The following BAP1 variants were observed in gnomAD, a reference collection of about 807,000 sequenced individuals.
BAP1 encodes the protein BRCA1 associated deubiquitinase 1.
A neutral mutation model predicts 77.2 loss-of-function variants in BAP1; 16 were observed. The observed-to-expected ratio is 0.21, with a 90% CI of 0.14 to 0.31. The LOEUF (loss-of-function observed/expected upper bound fraction) is 0.31. Ranked by LOEUF, BAP1 falls within the 10% of genes least tolerant of loss-of-function variation. The pLI is 1.00. For missense variants in BAP1, 699 were observed against 967.3 expected (o/e 0.72, Z 3.68); for synonymous variants, 362 against 385.2 (o/e 0.94, Z 0.71).
chr3:52,409,994 C>T lies in BAP1; in HGVS notation c.-116G>A, dbSNP rs536817902. The T allele has an allele frequency of 3.2e-4, 463 of 1,451,508 alleles. 2 individuals carry two copies. In the South Asian group the frequency reaches 3.4e-3, roughly 11 times the overall value. The allele number at this position is 1,451,508 out of a possible 1,614,324, so 89.9% of individuals were successfully genotyped here. A position where few individuals can be genotyped will look rare whatever the true frequency, so the allele number is the denominator to read the frequency against. On this transcript the variant is annotated 5_prime_UTR_variant, in exon 1 of 17. Coordinates refer to ENST00000460680, the MANE Select transcript of BAP1 (RefSeq NM_004656.4). ...TCAGTCCCACACACAGACAACGGGC[C>T]CAGTCGCGTCACCCGCCCGCGCCGG...
In BAP1 at chr3:52,409,827, C is replaced by T. The variant is rs772162010; in HGVS notation, c.37+15G>A. On this transcript the variant is annotated intron_variant, in intron 1 of 16. Coordinates refer to ENST00000460680, the MANE Select transcript of BAP1 (RefSeq NM_004656.4). ...CGGCCTCCCCAGCCCCTGGCCCTCC[C>T]GGTCCCCTCCTCACCTGGGTCGCTC... 6.2e-6 allele frequency: 10 copies of T among 1,612,612 alleles called. No individual in the cohort carries two copies. The highest frequency in any genetic ancestry group is 8.5e-6 in the Non-Finnish European group (10 of 1,179,922).
At chr3:52,409,439 T>G (rs1705284681) in intron 3 of BAP1, 115 bp downstream of exon 3, 1 of 1,377,468 alleles carries the variant, frequency 7.3e-7, no homozygotes, top group East Asian at 2.3e-5. Flanking sequence ...TGCTGCTTTC[T>G]GTGAGATTTT....
chr3:52,404,427 T>C (rs370408321), intron 12 of BAP1, 26 bp downstream of exon 12: 12 of 1,614,072 alleles, frequency 7.4e-6, no homozygotes, highest in Middle Eastern at 1.6e-4. Flanking sequence ...ACCTAGAACC[T>C]GGTAGCCTTA....
chr3:52,406,962 G>T lies in BAP1; in HGVS notation c.581-55C>A. The T allele has an allele frequency of 6.5e-7, 1 of 1,537,388 alleles. No homozygotes were observed. Among genetic ancestry groups the T allele is most frequent in the Non-Finnish European group, 8.8e-7 (1 of 1,132,636 alleles). On this transcript the variant is annotated intron_variant, in intron 7 of 16. Coordinates refer to ENST00000460680, the MANE Select transcript of BAP1 (RefSeq NM_004656.4). This position sits in a 1 kb window ranked among gnomAD's most constrained non-coding sequence, Gnocchi z 4.6. ...AGAAGGAAACCCTGAGTTTGGGCAG[G>T]CCAGGAGTGGGAAGGAAGACAGAGA...
At chr3:52,409,764 A>G (rs368322638) in intron 1 of BAP1, 21 bp from the exon 2 acceptor site, 75 of 1,613,508 alleles carry the variant, frequency 4.6e-5, no homozygotes, top group Non-Finnish European at 6.0e-5. Context: ...CGACAAGAGG[A>G]GGGGGTGATG....
At position 52,406,258 on chromosome 3, in the gene BAP1, G is replaced by A. The variant is rs864622592; in HGVS notation, c.778C>T (p.Gln260Ter). ...CAGGAAGAAAGGGCACCTACCTGCT[G>A]CAGAGCCTCTAGTACTGTCTGACGG... ...VNRQTVLEAL[Q>*]QLIRVTQPEL... is the part of the protein sequence containing the mutation. Residue 260 changes from glutamine (Q) to a stop codon, truncating the protein, a stop_gained, in exon 9 of 17, where the codon CAG (glutamine) becomes TAG (stop). Transcript: ENST00000460680. LOFTEE classifies it high-confidence loss of function. This position sits in a 1 kb window ranked among gnomAD's most constrained non-coding sequence, Gnocchi z 4.6. The A allele has an allele frequency of 6.2e-7, 1 of 1,614,180 alleles. No homozygotes were observed. The highest frequency in any genetic ancestry group is 1.7e-5 in the Admixed American group (1 of 60,022).
Position 52,406,559 on chromosome 3 carries a change from C to A in BAP1, c.660-183G>T. ...ACCTGAGCTGGTACCTTCCAACAAG[C>A]TGTATGAGGGGCCTATCTGGAAGTG... On this transcript the variant is annotated intron_variant, in intron 8 of 16. Coordinates refer to ENST00000460680, the MANE Select transcript of BAP1 (RefSeq NM_004656.4). This position sits in a 1 kb window ranked among gnomAD's most constrained non-coding sequence, Gnocchi z 4.6. The A allele has an allele frequency of 9.9e-7, 1 of 1,006,546 alleles. No homozygotes were observed. The highest frequency in any genetic ancestry group is 1.5e-6 in the Non-Finnish European group (1 of 676,660). The allele number at this position is 1,006,546 out of a possible 1,614,324, so 62.4% of individuals were successfully genotyped here. A position where few individuals can be genotyped will look rare whatever the true frequency, so the allele number is the denominator to read the frequency against.
At chr3:52,408,860 T>C (rs796584274) in intron 3 of BAP1, among the ~76,000 whole-genome samples, 23 of 152,336 alleles carry the variant, frequency 1.5e-4, no homozygotes, top group African/African-American at 5.3e-4. Context: ...AGTCTCCTTA[T>C]GAAGTCTATA....
intron 5 of BAP1, 50 bp from the exon 6 acceptor site, chr3:52,407,510 G>T (rs370668123): frequency 1.2e-6 from 2 of 1,611,434 alleles, no homozygotes; most frequent in South Asian, 2.2e-5. Context: ...CCTCAGGTAG[G>T]ACTATGGGTG....
chr3:52,405,027 C>T lies in BAP1; in HGVS notation c.1116+83G>A, dbSNP rs576117601. 3,625 of 1,581,406 alleles carry T rather than the reference C, an allele frequency of 2.3e-3. 7 individuals carry two copies. The highest frequency in any genetic ancestry group is 2.9e-3 in the Non-Finnish European group (3,323 of 1,152,598). ...ACCCAGCCATGCCAAGGATGAACAC[C>T]AAGGAACCACATGGGAAAATTGCCT... On this transcript the variant is annotated intron_variant, in intron 11 of 16. Transcript: ENST00000460680.
Position 52,402,903 on chromosome 3 carries a change from G to A in BAP1, c.1891-32C>T, listed in dbSNP as rs372756165. On this transcript the variant is annotated intron_variant, in intron 14 of 16. Coordinates refer to ENST00000460680, the MANE Select transcript of BAP1 (RefSeq NM_004656.4). This position sits in a 1 kb window ranked among gnomAD's most constrained non-coding sequence, Gnocchi z 5.3. ...AAACCCAGCATTGCACCTCTGATCG[G>A]GGCGGGCCAGCAACAAAGCCCCACG... 4 of 1,613,728 alleles carry A rather than the reference G, an allele frequency of 2.5e-6. No homozygotes were observed. Among genetic ancestry groups the A allele is most frequent in the African/African-American group, 1.3e-5 (1 of 74,910 alleles).
At position 52,402,210 on chromosome 3, in the gene BAP1, A is replaced by G. The variant is rs1472109180; in HGVS notation, c.*78T>C. On this transcript the variant is annotated 3_prime_UTR_variant, in exon 17 of 17. Transcript: ENST00000460680. This position sits in a 1 kb window ranked among gnomAD's most constrained non-coding sequence, Gnocchi z 5.3. The stretch of plus-strand genomic sequence containing the variant: ...TGGGACTATTCAGTAATACTGGGAA[A>G]AGGGGAAGTGGGGCAGGGAAGGACC... The G allele has an allele frequency of 6.4e-7, 1 of 1,554,130 alleles. No individual in the cohort carries two copies. The highest frequency in any genetic ancestry group is 1.3e-5 in the African/African-American group (1 of 74,246).
In BAP1 at chr3:52,405,368, G is replaced by C. The variant is rs2153227129; in HGVS notation, c.932-74C>G. On this transcript the variant is annotated intron_variant, in intron 10 of 16. Coordinates refer to ENST00000460680, the MANE Select transcript of BAP1 (RefSeq NM_004656.4). ...AAAAGCTCACAGTCTCCCCGGCCCTGTGAACCAGCACTTCCCAGAGAAGAA... is the reference window on the plus strand; with the variant it reads ...AAAAGCTCACAGTCTCCCCGGCCCTCTGAACCAGCACTTCCCAGAGAAGAA... The C allele has an allele frequency of 3.8e-6, 6 of 1,586,844 alleles. No homozygotes were observed. In the South Asian group the frequency reaches 6.6e-5, roughly 18 times the overall value.
intron 10 of BAP1, 66 bp downstream of exon 10, chr3:52,405,699 G>A (rs1705133426): frequency 1.2e-6 from 2 of 1,600,306 alleles, no homozygotes; most frequent in South Asian, 1.1e-5. Context: ...TCCCTGTTTA[G>A]GCCTCCCATG....
intron 10 of BAP1, 199 bp from the exon 11 acceptor site, chr3:52,405,493 A>AG: frequency 2.5e-5 from 3 of 120,416 alleles, no homozygotes; most frequent in Non-Finnish European, 1.5e-5. Context: ...AAGCAGGAAG[A>AG]AAAAAAAAAA....
At chr3:52,407,532 T>C (rs2153228023) in intron 5 of BAP1, 72 bp from the exon 6 acceptor site, 1 of 1,597,906 alleles carries the variant, frequency 6.3e-7, no homozygotes, top group Middle Eastern at 1.7e-4. Flanking sequence ...AAGGCAAAGC[T>C]TCAGAGAGCA....
intron 12 of BAP1, among the ~76,000 whole-genome samples, 191 bp downstream of exon 12, chr3:52,404,262 C>T (rs1578221742): frequency 6.6e-6 from 1 of 152,256 alleles, no homozygotes; most frequent in East Asian, 1.9e-4. Context: ...CGTGCTCAGC[C>T]TTACCCCCCA....
chr3:52,403,031 C>T lies in BAP1; in HGVS notation c.1890+107G>A. The T allele has an allele frequency of 1.9e-6, 3 of 1,598,088 alleles. No individual in the cohort carries two copies. The highest frequency in any genetic ancestry group is 2.2e-5 in the South Asian group (2 of 90,290). On this transcript the variant is annotated intron_variant, in intron 14 of 16. Transcript: ENST00000460680. The surrounding 1 kb of genome is among the most constrained non-coding windows in gnomAD (Gnocchi z 4.0). ...GTCTTCTGGCACATGGCTCCAGCCACCAATCTTCACACCAAAGTTCCAATC... is the reference window on the plus strand; with the variant it reads ...GTCTTCTGGCACATGGCTCCAGCCATCAATCTTCACACCAAAGTTCCAATC...
chr3:52,404,360 A>G lies in BAP1; in HGVS notation c.1250+93T>C, dbSNP rs1038564020. 6 of 1,600,394 alleles carry G rather than the reference A, an allele frequency of 3.7e-6. No homozygotes were observed. In the Admixed American group the frequency reaches 1.0e-4, roughly 27 times the overall value. ...CCAAACTCCGCAGGTGCTCAACATTATCTGCTGCAGGGCATTCTCAGACAC... is the reference window on the plus strand; with the variant it reads ...CCAAACTCCGCAGGTGCTCAACATTGTCTGCTGCAGGGCATTCTCAGACAC... On this transcript the variant is annotated intron_variant, in intron 12 of 16. Transcript: ENST00000460680.
Sources: gnomAD v4.1 joint callset for allele counts (sites outside exome capture counted in the v4.1 genomes callset) on GRCh38, gnomAD v4.1.1 for gene constraint, Gnocchi (gnomAD v3.1) non-coding constraint, MANE v1.5 for transcripts, NCBI Gene and HGNC (gene_info 2026-07-23, HGNC 2026-07-21) for gene names.